Variants in CLEC2D observed in about 807,000 individuals in gnomAD.
CLEC2D encodes the protein C-type lectin related f.
Under a neutral mutation model 20.0 loss-of-function variants are expected in CLEC2D, and 16 were observed. The ratio of observed to expected loss-of-function variants is 0.80; its 90% confidence interval spans 0.54 to 1.22. CLEC2D has a LOEUF of 1.22. Ranked by LOEUF, CLEC2D falls within the 50% of genes most tolerant of loss-of-function variation. The pLI, the probability that CLEC2D is intolerant of heterozygous loss-of-function variation, is 0.00. For synonymous variants in CLEC2D, 77 were observed against 71.1 expected, an observed-to-expected ratio of 1.08 and a Z score of -0.42; for missense variants, 207 against 221.5, an observed-to-expected ratio of 0.93 and a Z score of 0.42.
intron 2 of CLEC2D, among the ~76,000 whole-genome samples, chr12:9,685,412 G>A (rs1197999747): frequency 6.6e-6 from 1 of 152,244 alleles, no homozygotes; most frequent in Non-Finnish European, 1.5e-5. Flanking sequence ...TGGCAGGAAT[G>A]TTTAAGTCTC....
intron 2 of CLEC2D, among the ~76,000 whole-genome samples, chr12:9,685,790 C>T (rs1865735491): frequency 6.6e-6 from 1 of 152,172 alleles, no homozygotes; most frequent in Non-Finnish European, 1.5e-5. Flanking sequence ...GCTTGCTGGG[C>T]TCTGTGGGGA....
In CLEC2D at chr12:9,698,991, A is replaced by C. The variant is rs752520910; in HGVS notation, c.*4117A>C. The C allele has an allele frequency of 3.9e-5, 6 of 152,338 alleles. No individual in the cohort carries two copies. Among genetic ancestry groups the C allele is most frequent in the African/African-American group, 1.4e-4 (6 of 41,574 alleles). The allele number at this position is 152,338 out of a possible 1,614,324, so 9.4% of individuals were successfully genotyped here. On this transcript the variant is annotated 3_prime_UTR_variant, in exon 5 of 5. Transcript: ENST00000290855. ...TTTTCATTAACTGAAGTCATATTGT[A>C]GGAAAAAGAATGAAGTCTCTTAACC...
chr12:9,682,352 T>TA (rs1865652901), intron 2 of CLEC2D, among the ~76,000 whole-genome samples: 1 of 152,212 alleles, frequency 6.6e-6, no homozygotes, highest in Non-Finnish European at 1.5e-5. Context: ...GCTTTGTAGT[T>TA]ATAGCTCTGG....
At chr12:9,693,323 A>G (rs148171592) in intron 4 of CLEC2D, 161 of 434,872 alleles carry the variant, frequency 3.7e-4, no homozygotes, top group African/African-American at 2.9e-3. Context: ...GACAGCAATT[A>G]TACCTATTAT....
At chr12:9,684,040 T>C (rs960807080) in intron 2 of CLEC2D, among the ~76,000 whole-genome samples, 1 of 152,210 alleles carries the variant, frequency 6.6e-6, no homozygotes, top group Non-Finnish European at 1.5e-5. Context: ...TTGTGTCATC[T>C]CTTATTTCCT....
At chr12:9,672,675 C>T (rs955409979) in intron 1 of CLEC2D, among the ~76,000 whole-genome samples, 9 of 152,128 alleles carry the variant, frequency 5.9e-5, no homozygotes, top group Non-Finnish European at 1.0e-4. Context: ...TGGTTCCATC[C>T]TCCCTGTCTC....
intron 2 of CLEC2D, among the ~76,000 whole-genome samples, chr12:9,684,146 G>T (rs962295226): frequency 3.9e-5 from 6 of 152,114 alleles, no homozygotes; most frequent in African/African-American, 1.4e-4. Flanking sequence ...AATTGTGAAT[G>T]GGAGTTCACT....
At position 9,694,912 on chromosome 12, in the gene CLEC2D, AT is replaced by A; in HGVS notation, c.*40del. 2 of 1,037,970 alleles carry A rather than the reference AT, an allele frequency of 1.9e-6. No individual in the cohort carries two copies. The highest frequency in any genetic ancestry group is 3.0e-6 in the Non-Finnish European group (2 of 657,990). 64.3% of individuals were successfully genotyped at this position (1,037,970 alleles called of 1,614,324 possible). A position where few individuals can be genotyped will look rare whatever the true frequency, so the allele number is the denominator to read the frequency against. ...AGCCCCAACTAATCTTTAGAAGCAT[AT>A]TGGAACTGATAACTCCATTTTAAAA... On this transcript the variant is annotated 3_prime_UTR_variant, in exon 5 of 5. Transcript: ENST00000290855.
In CLEC2D at chr12:9,699,432, T is replaced by C. The variant is rs1273111668; in HGVS notation, c.*4558T>C. 2.0e-5 allele frequency: 3 copies of C among 152,214 alleles called. No individual in the cohort carries two copies. Among genetic ancestry groups the C allele is most frequent in the Non-Finnish European group, 4.4e-5 (3 of 68,024 alleles). The allele number at this position is 152,214 out of a possible 1,614,324, so 9.4% of individuals were successfully genotyped here. A position where few individuals can be genotyped will look rare whatever the true frequency, so the allele number is the denominator to read the frequency against. On this transcript the variant is annotated 3_prime_UTR_variant, in exon 5 of 5. Transcript: ENST00000290855. Reference sequence around the variant, plus strand: ...TTTACTTTTCAGTAAAATTTCAAGCTTGAGTAATGTTCATGCCTGCTTTTC... The same window carrying C: ...TTTACTTTTCAGTAAAATTTCAAGCCTGAGTAATGTTCATGCCTGCTTTTC...
intron 3 of CLEC2D, among the ~76,000 whole-genome samples, chr12:9,691,393 A>G (rs144104983): frequency 7.9e-4 from 121 of 152,308 alleles, no homozygotes; most frequent in African/African-American, 2.7e-3. Context: ...GAAAATTTGA[A>G]CAACACTATA....
intron 3 of CLEC2D, among the ~76,000 whole-genome samples, chr12:9,692,330 G>T (rs1026386275): frequency 6.6e-6 from 1 of 151,902 alleles, no homozygotes; most frequent in Admixed American, 6.6e-5. Context: ...ATAGAGAGGG[G>T]GCTTCATCAT....
At position 9,680,920 on chromosome 12, in the gene CLEC2D, C is replaced by A; in HGVS notation, c.62-3C>A. 1 of 1,433,820 alleles carries A rather than the reference C, an allele frequency of 7.0e-7. No individual in the cohort carries two copies. The highest frequency in any genetic ancestry group is 9.8e-7 in the Non-Finnish European group (1 of 1,021,628). The allele number at this position is 1,433,820 out of a possible 1,614,324, so 88.8% of individuals were successfully genotyped here. On this transcript the variant is annotated splice_region_variant and splice_polypyrimidine_tract_variant and intron_variant, in intron 1 of 4. Coordinates refer to ENST00000290855, the MANE Select transcript of CLEC2D (RefSeq NM_013269.6). ...TAAAATGTTTTTCAATAATTTTTTC[C>A]AGGTTGTCTGCATTCAAAAGAGCAT...
chr12:9,689,947 TAAAG>T (rs1334032391), intron 3 of CLEC2D, among the ~76,000 whole-genome samples: 3 of 151,986 alleles, frequency 2.0e-5, no homozygotes, highest in Non-Finnish European at 2.9e-5. Context: ...GAAATACACT[TAAAG>T]AAATAATGAA....
intron 2 of CLEC2D, 77 bp downstream of exon 2, chr12:9,681,110 G>T: frequency 6.1e-6 from 5 of 826,406 alleles, no homozygotes; most frequent in African/African-American, 1.7e-5. Context: ...GAATAATTTT[G>T]TTATTCTTTA....
In CLEC2D at chr12:9,696,031, A is replaced by G; in HGVS notation, c.*1157A>G. On this transcript the variant is annotated 3_prime_UTR_variant, in exon 5 of 5. Coordinates refer to ENST00000290855, the MANE Select transcript of CLEC2D (RefSeq NM_013269.6). The stretch of plus-strand genomic sequence containing the variant: ...AAGATCAAAAGGACAAGAATCCTTC[A>G]AAAAACAGGAAAAATCTCCTAAAAC... 3 of 1,356,734 alleles carry G rather than the reference A, an allele frequency of 2.2e-6. No homozygotes were observed. The highest frequency in any genetic ancestry group is 3.1e-6 in the Non-Finnish European group (3 of 960,420). The allele number at this position is 1,356,734 out of a possible 1,614,324, so 84.0% of individuals were successfully genotyped here.
chr12:9,678,882 G>A (rs1388624575), intron 1 of CLEC2D, among the ~76,000 whole-genome samples: 2 of 152,024 alleles, frequency 1.3e-5, no homozygotes, highest in Non-Finnish European at 2.9e-5. Flanking sequence ...TTTTAACTTA[G>A]CATTTATAAA....
rs1432665581 is a variant in CLEC2D at position 9,699,547 on chromosome 12, C to T, written c.*4673C>T. On this transcript the variant is annotated 3_prime_UTR_variant, in exon 5 of 5. Transcript: ENST00000290855. The stretch of plus-strand genomic sequence containing the variant: ...AATAAACACTTTGAAAGGCAGTGAA[C>T]TGTAAATATATTACAGCTATCTCTT... 2 of 152,138 alleles carry T rather than the reference C, an allele frequency of 1.3e-5. No homozygotes were observed. Among genetic ancestry groups the T allele is most frequent in the Non-Finnish European group, 2.9e-5 (2 of 68,014 alleles). The allele number at this position is 152,138 out of a possible 1,614,324, so 9.4% of individuals were successfully genotyped here. A position where few individuals can be genotyped will look rare whatever the true frequency, so the allele number is the denominator to read the frequency against.
chr12:9,697,452 T>TTAA lies in CLEC2D; in HGVS notation c.*2582_*2584dup, dbSNP rs1565474554. 2.0e-5 allele frequency: 3 copies of TTAA among 152,174 alleles called. No individual in the cohort carries two copies. The highest frequency in any genetic ancestry group is 2.9e-5 in the Non-Finnish European group (2 of 68,042). The allele number at this position is 152,174 out of a possible 1,614,324, so 9.4% of individuals were successfully genotyped here. On this transcript the variant is annotated 3_prime_UTR_variant, in exon 5 of 5. Coordinates refer to ENST00000290855, the MANE Select transcript of CLEC2D (RefSeq NM_013269.6). Reference sequence around the variant, plus strand: ...AACAATGCTAATGACTGGCTTGCTGTTAATAAATACATGGGTAAATCTCTG... The same window carrying TTAA: ...AACAATGCTAATGACTGGCTTGCTGTTAATAATAAATACATGGGTAAATCTCTG...
chr12:9,693,637 G>C (rs1865913609), intron 4 of CLEC2D: 1 of 219,882 alleles, frequency 4.5e-6, no homozygotes, highest in Non-Finnish European at 9.3e-6. Flanking sequence ...GACCTTGGAT[G>C]GGATGGTAAG....
Sources: allele counts gnomAD v4.1 joint callset (sites outside exome capture counted in the v4.1 genomes callset), GRCh38; gene constraint gnomAD v4.1.1; transcripts MANE v1.5; gene names NCBI Gene and HGNC (gene_info 2026-07-23, HGNC 2026-07-21).